The following RBFOX1 variants were observed in gnomAD, a reference collection of about 807,000 sequenced individuals.
RBFOX1 encodes the protein RNA binding protein fox-1 homolog 1.
In RBFOX1, 8 loss-of-function variants were observed where a neutral mutation model predicts 57.7. The observed-to-expected ratio is 0.14, with a 90% CI of 0.08 to 0.25. The LOEUF is 0.25. RBFOX1 is among the 10% of genes least tolerant of loss of function. The pLI, the probability that RBFOX1 is intolerant of heterozygous loss-of-function variation, is 1.00. For synonymous variants in RBFOX1, 326 were observed against 222.4 expected (o/e 1.47, Z -4.15); for missense variants, 611 against 548.5 (o/e 1.11, Z -1.14).
intron 4 of RBFOX1, among the ~76,000 whole-genome samples, chr16:7,124,829 T>A (rs150105800): frequency 1.3e-5 from 2 of 152,236 alleles, no homozygotes; most frequent in East Asian, 3.9e-4. Flanking sequence ...ATCCTGTTTC[T>A]ACTGTATGAC....
At chr16:6,370,343 T>TAG (rs1316999112) in intron 2 of RBFOX1, among the ~76,000 whole-genome samples, 1 of 107,574 alleles carries the variant, frequency 9.3e-6, no homozygotes, top group Non-Finnish European at 1.7e-5. Context: ...GGGCGACAGA[T>TAG]AGAGACTCCG....
intron 4 of RBFOX1, among the ~76,000 whole-genome samples, chr16:7,394,263 A>G (rs866088591): frequency 3.2e-4 from 44 of 139,308 alleles, no homozygotes; most frequent in Middle Eastern, 4.1e-3. Flanking sequence ...AAAAAAAAAA[A>G]AGAGAGAAAG....
At chr16:7,432,947 C>T (rs1002424746) in intron 4 of RBFOX1, among the ~76,000 whole-genome samples, 5 of 152,202 alleles carry the variant, frequency 3.3e-5, no homozygotes, top group Admixed American at 1.3e-4. Flanking sequence ...GTGGCATTTT[C>T]GAACTGTGTA....
intron 4 of RBFOX1, among the ~76,000 whole-genome samples, chr16:7,170,626 G>C (rs1285840170): frequency 1.3e-5 from 2 of 152,094 alleles, no homozygotes; most frequent in East Asian, 3.9e-4. Context: ...ACATCTTAGA[G>C]GTACCCACTT....
intron 2 of RBFOX1, among the ~76,000 whole-genome samples, chr16:6,557,730 T>G (rs936690374): frequency 6.6e-6 from 1 of 152,246 alleles, no homozygotes; most frequent in Non-Finnish European, 1.5e-5. Flanking sequence ...AGCATTTTCC[T>G]TCTTCGGTAT....
At chr16:5,675,460 C>G (rs1459903352) in intron 3 of RBFOX1, among the ~76,000 whole-genome samples, 2 of 152,198 alleles carry the variant, frequency 1.3e-5, no homozygotes, top group Non-Finnish European at 2.9e-5. Context: ...GAACTCAGCT[C>G]ACGTGCCCAG....
intron 4 of RBFOX1, among the ~76,000 whole-genome samples, chr16:7,170,966 G>C (rs939967036): frequency 2.0e-5 from 3 of 152,148 alleles, no homozygotes; most frequent in African/African-American, 7.2e-5. Context: ...TCCTTTTGCA[G>C]GTGATCCTAA....
At chr16:7,404,351 C>G (rs903489214) in intron 4 of RBFOX1, among the ~76,000 whole-genome samples, 1 of 152,142 alleles carries the variant, frequency 6.6e-6, no homozygotes, top group Non-Finnish European at 1.5e-5. Context: ...CCGTGCCCAG[C>G]CGACATAGGA....
chr16:7,147,435 T>C (rs1327079462), intron 4 of RBFOX1, among the ~76,000 whole-genome samples: 3 of 152,072 alleles, frequency 2.0e-5, no homozygotes, highest in Non-Finnish European at 4.4e-5. Flanking sequence ...GTGGGCGTAG[T>C]ACTTGGTAGA....
At chr16:7,064,594 C>A (rs148345104) in intron 4 of RBFOX1, among the ~76,000 whole-genome samples, 2 of 152,276 alleles carry the variant, frequency 1.3e-5, no homozygotes, top group Admixed American at 6.5e-5. Context: ...ACCAACCCCC[C>A]TGACACCTGA....
chr16:5,815,891 G>A (rs1296004952), intron 3 of RBFOX1, among the ~76,000 whole-genome samples: 1 of 152,154 alleles, frequency 6.6e-6, no homozygotes. Context: ...GCTGGGGGCT[G>A]CGTTAGGTTT....
intron 1 of RBFOX1, among the ~76,000 whole-genome samples, chr16:6,310,394 G>C (rs1481457061): frequency 2.6e-5 from 4 of 152,198 alleles, no homozygotes; most frequent in Admixed American, 2.0e-4. Context: ...GCAAAATTTT[G>C]CACAGCACAG....
At chr16:6,462,679 A>C (rs1386453433) in intron 2 of RBFOX1, among the ~76,000 whole-genome samples, 1 of 152,132 alleles carries the variant, frequency 6.6e-6, no homozygotes, top group East Asian at 1.9e-4. Flanking sequence ...ATTTCAACAA[A>C]TATTACCATG....
chr16:7,010,595 G>GC (rs1313901912), intron 3 of RBFOX1, among the ~76,000 whole-genome samples: 1 of 151,962 alleles, frequency 6.6e-6, no homozygotes, highest in Non-Finnish European at 1.5e-5. Flanking sequence ...TGTCACCCAG[G>GC]CTAGAGTGTG....
intron 4 of RBFOX1, among the ~76,000 whole-genome samples, chr16:5,992,760 C>G (rs939631471): frequency 6.6e-6 from 1 of 152,136 alleles, no homozygotes; most frequent in Admixed American, 6.5e-5. Context: ...ATGGTGAAAC[C>G]TTGTCTCTGC....
At chr16:5,776,520 G>C (rs150135001) in intron 3 of RBFOX1, among the ~76,000 whole-genome samples, 1 of 152,148 alleles carries the variant, frequency 6.6e-6, no homozygotes, top group South Asian at 2.1e-4. Flanking sequence ...TAATAATAAG[G>C]GTTGGTATTT....
At chr16:6,291,569 C>T (rs1167116695) in intron 1 of RBFOX1, among the ~76,000 whole-genome samples, 2 of 152,174 alleles carry the variant, frequency 1.3e-5, no homozygotes, top group African/African-American at 4.8e-5. Flanking sequence ...GGTGTAATGG[C>T]TACAAAGATG....
chr16:5,719,843 T>C (rs995370103), intron 3 of RBFOX1, among the ~76,000 whole-genome samples: 4 of 152,218 alleles, frequency 2.6e-5, no homozygotes, highest in Non-Finnish European at 5.9e-5. Context: ...TTGGCTATTA[T>C]GAATAGTGCT....
At chr16:7,480,595 A>T (rs1207131008) in intron 4 of RBFOX1, among the ~76,000 whole-genome samples, 1 of 152,082 alleles carries the variant, frequency 6.6e-6, no homozygotes, top group Non-Finnish European at 1.5e-5. Flanking sequence ...TCAAGCGTGG[A>T]CTCATTTTCA....
Sources: gnomAD v4.1 joint callset for allele counts (sites outside exome capture counted in the v4.1 genomes callset) on GRCh38, gnomAD v4.1.1 for gene constraint, MANE v1.5 for transcripts, NCBI Gene and HGNC (gene_info 2026-07-23, HGNC 2026-07-21) for gene names.